OSBPL6: variants seen among roughly 807,000 people sequenced by gnomAD.
OSBPL6 encodes oxysterol binding protein like 6, also known as oxysterol-binding protein-related protein 6.
OSBPL6 carries 49 observed loss-of-function variants against 125.8 expected under a neutral mutation model. The ratio of observed to expected loss-of-function variants is 0.39; its 90% CI spans 0.31 to 0.49. The LOEUF (loss-of-function observed/expected upper bound fraction) is 0.49. Ranked by LOEUF, OSBPL6 falls within the 20% of genes least tolerant of loss-of-function variation. OSBPL6 has a pLI of 0.88. For synonymous variants in OSBPL6, 394 were observed against 391.8 expected, an observed-to-expected ratio of 1.01 and a Z score of -0.07; for missense variants, 986 against 1,135.4, an observed-to-expected ratio of 0.87 and a Z score of 1.89.
In OSBPL6 at chr2:178,336,269, A is replaced by G. The variant is rs759903990; in HGVS notation, c.658-32A>G. 3.1e-6 allele frequency: 5 copies of G among 1,608,064 alleles called. No homozygotes were observed. The African/African-American group carries it at 4.0e-5, about 13-fold the overall frequency. On this transcript the variant is annotated intron_variant, in intron 8 of 24. Transcript: ENST00000190611. ...TTTAATCATTGAAATGTACTGTTTC[A>G]TAACCATACAATTCATCTTTGTTTG...
chr2:178,390,419 A>C (rs1043430930), intron 21 of OSBPL6, among the ~76,000 whole-genome samples: 4 of 152,110 alleles, frequency 2.6e-5, no homozygotes, highest in Non-Finnish European at 4.4e-5. Context: ...CCCACAAACA[A>C]CCACCCTTGG....
Position 178,317,437 on chromosome 2 carries a change from CATATATATATATATATATATATAT to C in OSBPL6, c.103-6720_103-6697del, listed in dbSNP as rs6147046. 8.6e-3 allele frequency among the ~76,000 whole-genome samples: 925 copies of C among 106,954 alleles called. 19 individuals are homozygous for C. The highest frequency in any genetic ancestry group is 0.011 in the Non-Finnish European group (619 of 54,698). The allele number at this position is 106,954 out of a possible 152,430, so 70.2% of individuals were successfully genotyped here. ...TATGTCGCAGCAGAAACTTAGACAC[CATATATATATATATATATATATAT>C]ATATATATATATATATATAGAATAA... is the stretch of plus-strand genomic sequence containing the variant. On this transcript the variant is annotated intron_variant, in intron 3 of 24. Transcript: ENST00000190611.
At chr2:178,204,138 C>T (rs1336259151) in intron 1 of OSBPL6, among the ~76,000 whole-genome samples, 1 of 151,774 alleles carries the variant, frequency 6.6e-6, no homozygotes, top group Non-Finnish European at 1.5e-5. Context: ...TTTCTCATGC[C>T]TTGGCCCCCC....
intron 20 of OSBPL6, among the ~76,000 whole-genome samples, chr2:178,388,696 G>A (rs543530287): frequency 3.7e-4 from 57 of 152,174 alleles, no homozygotes; most frequent in African/African-American, 1.3e-3. Flanking sequence ...TCTGTGTTCC[G>A]ATGATATGCA....
At chr2:178,346,382 T>G (rs1260837253) in intron 11 of OSBPL6, among the ~76,000 whole-genome samples, 1 of 152,224 alleles carries the variant, frequency 6.6e-6, no homozygotes, top group East Asian at 1.9e-4. Context: ...AGACCTACTG[T>G]GTAGACTTTC....
At chr2:178,311,274 C>G (rs1051121398) in intron 3 of OSBPL6, among the ~76,000 whole-genome samples, 4 of 152,178 alleles carry the variant, frequency 2.6e-5, no homozygotes, top group African/African-American at 7.2e-5. Flanking sequence ...TGCTTTTCAT[C>G]TAGCCATCCC....
At chr2:178,315,559 C>G (rs1255816040) in intron 3 of OSBPL6, among the ~76,000 whole-genome samples, 1 of 152,146 alleles carries the variant, frequency 6.6e-6, no homozygotes, top group Non-Finnish European at 1.5e-5. Flanking sequence ...CACTGCTTTC[C>G]CTGGTGTGCC....
intron 12 of OSBPL6, among the ~76,000 whole-genome samples, chr2:178,358,002 C>T (rs370686984): frequency 1.3e-5 from 2 of 152,322 alleles, no homozygotes; most frequent in East Asian, 3.9e-4. Flanking sequence ...CCATACACCA[C>T]CTGTTCTCAC....
At chr2:178,263,087 T>C (rs763146066) in intron 1 of OSBPL6, among the ~76,000 whole-genome samples, 2 of 152,218 alleles carry the variant, frequency 1.3e-5, no homozygotes, top group African/African-American at 4.8e-5. Flanking sequence ...AAAAAAACTT[T>C]TGCTGGATCT....
In OSBPL6 at chr2:178,348,599, A is replaced by G. The variant is rs868659743; in HGVS notation, c.988-625A>G. On this transcript the variant is annotated intron_variant, in intron 11 of 24. Transcript: ENST00000190611. ...GCTGGTTCATGAGCCATGTGCATAT[A>G]TGTAATAGAGTTGTGTGTAACATAC... 6.6e-5 allele frequency among the ~76,000 whole-genome samples: 10 copies of G among 152,338 alleles called. No homozygotes were observed. In the Middle Eastern group the frequency reaches 0.024, roughly 363 times the overall value.
At chr2:178,256,005 G>A (rs919405240) in intron 1 of OSBPL6, among the ~76,000 whole-genome samples, 1 of 152,174 alleles carries the variant, frequency 6.6e-6, no homozygotes, top group African/African-American at 2.4e-5. Flanking sequence ...GCAGCAAATC[G>A]AAGTCAGGGG....
intron 15 of OSBPL6, among the ~76,000 whole-genome samples, chr2:178,382,102 G>C (rs1037916757): frequency 6.6e-6 from 1 of 152,144 alleles, no homozygotes; most frequent in Non-Finnish European, 1.5e-5. Flanking sequence ...GAAAGTAATG[G>C]CAAAAACGCA....
chr2:178,284,678 C>T (rs1319233348), intron 1 of OSBPL6, among the ~76,000 whole-genome samples: 4 of 152,170 alleles, frequency 2.6e-5, no homozygotes, highest in Admixed American at 2.6e-4. Context: ...TGAGAGTTTT[C>T]ATACTCCAAG....
chr2:178,289,557 C>A (rs1486321219), intron 2 of OSBPL6, among the ~76,000 whole-genome samples: 2 of 152,300 alleles, frequency 1.3e-5, no homozygotes, highest in Non-Finnish European at 2.9e-5. Context: ...TCACACCTAA[C>A]AATATGAATG....
At chr2:178,288,420 C>T (rs1471598507) in intron 2 of OSBPL6, among the ~76,000 whole-genome samples, 1 of 152,172 alleles carries the variant, frequency 6.6e-6, no homozygotes, top group Non-Finnish European at 1.5e-5. Flanking sequence ...GGCCAGCTCT[C>T]GCCTGTGCAT....
chr2:178,238,997 C>T (rs2091176587), intron 1 of OSBPL6, among the ~76,000 whole-genome samples: 1 of 152,142 alleles, frequency 6.6e-6, no homozygotes, highest in African/African-American at 2.4e-5. Flanking sequence ...CTTATGTGTC[C>T]TTTTGCCTTT....
chr2:178,356,136 G>A (rs1691766093), intron 12 of OSBPL6, among the ~76,000 whole-genome samples: 2 of 152,136 alleles, frequency 1.3e-5, no homozygotes, highest in Admixed American at 6.5e-5. Flanking sequence ...ATATCATACT[G>A]AATGGGCAAA....
At chr2:178,249,131 G>T (rs540043361) in intron 1 of OSBPL6, among the ~76,000 whole-genome samples, 1 of 152,134 alleles carries the variant, frequency 6.6e-6, no homozygotes, top group South Asian at 2.1e-4. Flanking sequence ...GCAGAGACTG[G>T]GTTTCACCAT....
intron 1 of OSBPL6, among the ~76,000 whole-genome samples, chr2:178,201,201 A>T (rs2089241823): frequency 6.6e-6 from 1 of 152,182 alleles, no homozygotes; most frequent in African/African-American, 2.4e-5. Context: ...AATCATGGTT[A>T]CTCTGTCCAA....
Sources: gnomAD v4.1 joint callset for allele counts (sites outside exome capture counted in the v4.1 genomes callset) on GRCh38, gnomAD v4.1.1 for gene constraint, MANE v1.5 for transcripts, NCBI Gene and HGNC (gene_info 2026-07-23, HGNC 2026-07-21) for gene names.